EFL1: variants seen among roughly 807,000 people sequenced by gnomAD.
The protein encoded by EFL1 is elongation factor like GTPase 1, also known as elongation factor-like GTPase 1.
Under a neutral mutation model 126.7 loss-of-function variants are expected in EFL1, and 76 were observed. The observed-to-expected ratio is 0.60, with a 90% CI of 0.50 to 0.73. The LOEUF (loss-of-function observed/expected upper bound fraction) is 0.73, where lower values mean the gene tolerates loss of function less well. EFL1 is among the 30% of genes least tolerant of loss of function. EFL1 has a pLI of 0.00. For missense variants in EFL1, 1,128 were observed against 1,343.2 expected (o/e 0.84, Z 2.50); for synonymous variants, 410 against 448.4 (o/e 0.91, Z 1.08).
In EFL1 at chr15:82,240,514, A is replaced by G. The variant is rs573130538; in HGVS notation, c.420T>C (p.Arg140=). The change falls in exon 6 of 20, where the codon CGT becomes CGC. Residue 140 remains arginine (R), a synonymous_variant. Transcript: ENST00000268206. ...VLRQAWLENI[R]PVLVINKIDR... Reference sequence around the variant, plus strand: ...CAATCTTATTAATCACTAAAACCGGACGGATGTTTTCAAGCCAAGCTTGTC... The same window carrying G: ...CAATCTTATTAATCACTAAAACCGGGCGGATGTTTTCAAGCCAAGCTTGTC... 15 of 1,614,116 alleles carry G rather than the reference A, an allele frequency of 9.3e-6. No individual in the cohort carries two copies. In the South Asian group the frequency reaches 1.6e-4, roughly 18 times the overall value.
chr15:82,145,018 G>T (rs1248098986), intron 18 of EFL1, among the ~76,000 whole-genome samples: 1 of 150,196 alleles, frequency 6.7e-6, no homozygotes, highest in Non-Finnish European at 1.5e-5. Context: ...AAAGGAAACA[G>T]CGAGGCCAGG....
At position 82,261,775 on chromosome 15, in the gene EFL1, C is replaced by T. The variant is rs745845223; in HGVS notation, c.4G>A (p.Val2Met). The T allele has an allele frequency of 1.3e-5, 21 of 1,613,212 alleles. No homozygotes were observed. Among genetic ancestry groups the T allele is most frequent in the Non-Finnish European group, 5.9e-6 (7 of 1,179,762 alleles). The change falls in exon 2 of 20, where the codon GTG becomes ATG. Residue 2 changes from valine (V) to methionine (M), a missense_variant. Physicochemically the swap from Val to Met is conservative, Grantham distance 21. Around this residue, in one of 6 missense-constraint regions of EFL1, gnomAD observed 118 missense variants for 188.1 expected, o/e 0.63. Coordinates refer to ENST00000268206, the MANE Select transcript of EFL1 (RefSeq NM_024580.6). ...ATCATCTTATCCAAACTGTTGAGCACCATGATTACTTATTTCCTGTGACTA... is the reference window on the plus strand; with the variant it reads ...ATCATCTTATCCAAACTGTTGAGCATCATGATTACTTATTTCCTGTGACTA... Reference protein sequence around the residue: MVLNSLDKMIQL... With the variant: MMLNSLDKMIQL...
chr15:82,141,687 C>CAAAAAAAAAAAAAACA (rs111707224), intron 18 of EFL1, among the ~76,000 whole-genome samples: 1 of 111,784 alleles, frequency 8.9e-6, no homozygotes, highest in Admixed American at 9.4e-5. Context: ...AAAAAAAAAC[C>CAAAAAAAAAAAAAACA]AAAAAAAAAA....
chr15:82,211,619 C>CACACACA (rs1595985795), intron 15 of EFL1, among the ~76,000 whole-genome samples: 4 of 145,012 alleles, frequency 2.8e-5, no homozygotes, highest in African/African-American at 5.1e-5. Flanking sequence ...CACACACACA[C>CACACACA]TAGACTCTCT....
At chr15:82,182,514 G>T (rs191916776) in intron 15 of EFL1, among the ~76,000 whole-genome samples, 4 of 152,188 alleles carry the variant, frequency 2.6e-5, no homozygotes, top group African/African-American at 9.6e-5. Flanking sequence ...AAAGAGGATG[G>T]CAAGATGCCT....
chr15:82,233,781 T>G (rs2074845946), intron 7 of EFL1: 1 of 152,202 alleles, frequency 6.6e-6, no homozygotes, highest in Non-Finnish European at 1.5e-5. Context: ...TCTTAATCCT[T>G]TCCCACTGCA....
At chr15:82,179,874 G>A (rs1433977902) in intron 15 of EFL1, among the ~76,000 whole-genome samples, 2 of 151,932 alleles carry the variant, frequency 1.3e-5, no homozygotes, top group Non-Finnish European at 2.9e-5. Context: ...ATTCCAAAGA[G>A]ACCAGTATCT....
chr15:82,223,656 C>G (rs1053174162), intron 12 of EFL1, among the ~76,000 whole-genome samples: 1 of 152,154 alleles, frequency 6.6e-6, no homozygotes, highest in African/African-American at 2.4e-5. Context: ...TATGATTCTA[C>G]CAGAATCTCT....
rs757430233 is a variant in EFL1, at chr15:82,157,800, T to C, written c.1943A>G (p.Gln648Arg). Residue 648 changes from glutamine (Q) to arginine (R), a missense_variant, in exon 17 of 20, where the codon CAG becomes CGG. Transcript: ENST00000268206. ...CTCTCCCGTTTCCTGAATTAAAATC[T>C]GGACACAGGGATCAGCCTGGTTTAA... is the stretch of plus-strand genomic sequence containing the variant. ...KLLNQADPCV[Q>R]ILIQETGEHV... is the part of the protein sequence containing the mutation. The C allele has an allele frequency of 1.1e-5, 17 of 1,614,160 alleles. 1 individual carries two copies. In the South Asian group the frequency reaches 1.4e-4, roughly 14 times the overall value.
chr15:82,189,385 T>C (rs1269257940), intron 15 of EFL1, among the ~76,000 whole-genome samples: 1 of 152,206 alleles, frequency 6.6e-6, no homozygotes, highest in Non-Finnish European at 1.5e-5. Flanking sequence ...CCTACCCATA[T>C]GGAGCTTACA....
chr15:82,224,605 G>A (rs769700063), intron 12 of EFL1, among the ~76,000 whole-genome samples: 2 of 152,210 alleles, frequency 1.3e-5, no homozygotes, highest in African/African-American at 2.4e-5. Context: ...CTAGGAGGTT[G>A]CTGCAACAAT....
chr15:82,130,796 G>C (rs544527572), intron 19 of EFL1, among the ~76,000 whole-genome samples: 2 of 152,092 alleles, frequency 1.3e-5, no homozygotes, highest in Middle Eastern at 3.2e-3. Context: ...TCAGAAGTTC[G>C]AGACCGGCCT....
chr15:82,162,404 G>A (rs1448566946), intron 16 of EFL1, among the ~76,000 whole-genome samples: 1 of 152,148 alleles, frequency 6.6e-6, no homozygotes. Context: ...AAACATCTAC[G>A]AATAAGCTAT....
chr15:82,213,310 A>G (rs2074608799), intron 15 of EFL1, among the ~76,000 whole-genome samples: 1 of 152,222 alleles, frequency 6.6e-6, no homozygotes, highest in African/African-American at 2.4e-5. Context: ...AGTAAAAGAC[A>G]TCAAGGTATA....
chr15:82,220,304 G>C, intron 12 of EFL1, 75 bp from the exon 13 acceptor site: 1 of 1,495,466 alleles, frequency 6.7e-7, no homozygotes, highest in Admixed American at 2.3e-5. Context: ...GACATGGCTG[G>C]GTAAGATGAA....
At position 82,220,236 on chromosome 15, in the gene EFL1, G is replaced by C; in HGVS notation, c.1293-7C>G. On this transcript the variant is annotated splice_polypyrimidine_tract_variant and splice_region_variant and intron_variant, in intron 12 of 19. Coordinates refer to ENST00000268206, the MANE Select transcript of EFL1 (RefSeq NM_024580.6). ...TTCTTCTTGAGTGAGAGGCCTACAG[G>C]ATATCACAAATATGCTGTCATCTCT... 6.3e-7 allele frequency: 1 copy of C among 1,583,236 alleles called. No individual in the cohort carries two copies. Among genetic ancestry groups the C allele is most frequent in the Non-Finnish European group, 8.6e-7 (1 of 1,168,784 alleles).
In EFL1 at chr15:82,251,791, T is replaced by G. The variant is rs549401017; in HGVS notation, c.244+900A>C. On this transcript the variant is annotated intron_variant, in intron 4 of 19. Coordinates refer to ENST00000268206, the MANE Select transcript of EFL1 (RefSeq NM_024580.6). The stretch of plus-strand genomic sequence containing the variant: ...TGACACTTGTGAAGGATGAACCACA[T>G]GTAAGTCCATTAGGGAAATAAAATT... Among the ~76,000 whole-genome samples, 237 of 152,322 alleles carry G rather than the reference T, an allele frequency of 1.6e-3. 1 individual carries two copies. The highest frequency in any genetic ancestry group is 5.2e-3 in the African/African-American group (218 of 41,570).
chr15:82,253,907 T>C (rs139036827), intron 3 of EFL1, among the ~76,000 whole-genome samples: 1,657 of 152,266 alleles, frequency 0.011, 32 homozygotes, highest in African/African-American at 0.037. Flanking sequence ...TCTCCTCCTT[T>C]CTCCAGAATG....
intron 15 of EFL1, among the ~76,000 whole-genome samples, chr15:82,188,510 C>G (rs1447196191): frequency 6.6e-6 from 1 of 152,100 alleles, no homozygotes; most frequent in African/African-American, 2.4e-5. Flanking sequence ...CTGTCTCTAC[C>G]TGTATCAAGA....
Sources: allele counts gnomAD v4.1 joint callset (sites outside exome capture counted in the v4.1 genomes callset), GRCh38; gene constraint gnomAD v4.1.1; regional missense constraint gnomAD v4.1.1; transcripts MANE v1.5; gene names NCBI Gene and HGNC (gene_info 2026-07-23, HGNC 2026-07-21).